Variants in USP37 observed in about 807,000 individuals in gnomAD.
USP37 encodes ubiquitin specific peptidase 37, also known as ubiquitin carboxyl-terminal hydrolase 37.
Under a neutral mutation model 124.0 loss-of-function variants are expected in USP37, and 27 were observed. The ratio of observed to expected loss-of-function variants is 0.22; its 90% confidence interval spans 0.16 to 0.30. The LOEUF (loss-of-function observed/expected upper bound fraction) is 0.30. Among genes scored for constraint, USP37 ranks in the 10% least tolerant of loss-of-function variants. The probability of loss-of-function intolerance (pLI) is 1.00; values close to 1 mark genes in which losing one functional copy is unlikely to be tolerated. For synonymous variants in USP37, 365 were observed against 388.0 expected (o/e 0.94, Z 0.70); for missense variants, 889 against 1,140.4 (o/e 0.78, Z 3.17).
chr2:218,504,923 T>C (rs1689599796), intron 11 of USP37, among the ~76,000 whole-genome samples: 1 of 152,152 alleles, frequency 6.6e-6, no homozygotes, highest in Non-Finnish European at 1.5e-5. Flanking sequence ...CTCACACCTA[T>C]TACTTTATGA....
intron 10 of USP37, among the ~76,000 whole-genome samples, chr2:218,516,352 A>C (rs1270749580): frequency 6.6e-6 from 1 of 152,214 alleles, no homozygotes; most frequent in African/African-American, 2.4e-5. Flanking sequence ...ATAGAATACT[A>C]TGCAGCCATA....
chr2:218,491,118 C>T (rs1691917600), intron 14 of USP37, among the ~76,000 whole-genome samples: 1 of 152,212 alleles, frequency 6.6e-6, no homozygotes, highest in African/African-American at 2.4e-5. Context: ...AAGTGATCCT[C>T]TTGCCTCAGC....
intron 14 of USP37, among the ~76,000 whole-genome samples, chr2:218,493,931 A>C (rs1255615634): frequency 7.2e-5 from 11 of 152,252 alleles, no homozygotes. Flanking sequence ...AATTCAATGA[A>C]ATAATAACTG....
rs1375256911 is a variant in USP37 at position 218,454,926 on chromosome 2, T to C, written c.*4A>G. 11 of 1,613,896 alleles carry C rather than the reference T, an allele frequency of 6.8e-6. No individual in the cohort carries two copies. Among genetic ancestry groups the C allele is most frequent in the Middle Eastern group, 1.7e-4 (1 of 6,060 alleles). ...TGCATGCTGCCAACCCAGGAGTTTGTTCCTCACAAGGCCTGACGGGTAGTC... is the reference window on the plus strand; with the variant it reads ...TGCATGCTGCCAACCCAGGAGTTTGCTCCTCACAAGGCCTGACGGGTAGTC... On this transcript the variant is annotated 3_prime_UTR_variant, in exon 26 of 26. Transcript: ENST00000258399.
At chr2:218,495,119 G>C (rs1353933250) in intron 14 of USP37, among the ~76,000 whole-genome samples, 3 of 152,102 alleles carry the variant, frequency 2.0e-5, no homozygotes, top group Non-Finnish European at 4.4e-5. Context: ...ATTTTCCTCA[G>C]TTCTCACTCT....
At chr2:218,560,273 T>C (rs1487512576) in intron 3 of USP37, among the ~76,000 whole-genome samples, 1 of 152,134 alleles carries the variant, frequency 6.6e-6, no homozygotes, top group African/African-American at 2.4e-5. Context: ...CCTAAACAGC[T>C]CAACAAGAAA....
intron 17 of USP37, among the ~76,000 whole-genome samples, chr2:218,481,347 G>A (rs988170621): frequency 6.6e-6 from 1 of 152,144 alleles, no homozygotes; most frequent in Admixed American, 6.6e-5. Context: ...AGAGTCAACT[G>A]AAGCATTTGC....
In USP37 at chr2:218,463,287, A is replaced by C; in HGVS notation, c.2527+19T>G. 6.2e-7 allele frequency: 1 copy of C among 1,611,194 alleles called. No homozygotes were observed. Among genetic ancestry groups the C allele is most frequent in the Non-Finnish European group, 8.5e-7 (1 of 1,178,128 alleles). On this transcript the variant is annotated intron_variant, in intron 22 of 25. Transcript: ENST00000258399. The stretch of plus-strand genomic sequence containing the variant: ...GTAATTTTACCATTAAAAAAATGTA[A>C]TTAAAAAGATCTCCACACCTTGAAG...
intron 19 of USP37, among the ~76,000 whole-genome samples, chr2:218,475,313 C>T (rs1039235441): frequency 4.6e-5 from 7 of 152,136 alleles, no homozygotes; most frequent in South Asian, 2.1e-4. Flanking sequence ...AAAATAAACA[C>T]GACATCAAGA....
At chr2:218,547,962 C>T (rs185512133) in intron 6 of USP37, among the ~76,000 whole-genome samples, 38 of 152,230 alleles carry the variant, frequency 2.5e-4, no homozygotes, top group African/African-American at 8.4e-4. Context: ...AAGAGCTATG[C>T]GATTTTTCTA....
chr2:218,487,932 C>G (rs1331558262), intron 15 of USP37, among the ~76,000 whole-genome samples: 5 of 150,814 alleles, frequency 3.3e-5, no homozygotes, highest in Admixed American at 3.3e-4. Context: ...ACCTGTAATC[C>G]CAGGACTTTG....
intron 10 of USP37, among the ~76,000 whole-genome samples, chr2:218,522,644 T>G (rs1690724757): frequency 6.6e-6 from 1 of 151,808 alleles, no homozygotes; most frequent in Admixed American, 6.6e-5. Flanking sequence ...AGACTTCAAC[T>G]GGAACTACCT....
intron 2 of USP37, among the ~76,000 whole-genome samples, chr2:218,561,557 C>G (rs573619083): frequency 6.6e-6 from 1 of 151,490 alleles, no homozygotes; most frequent in East Asian, 1.9e-4. Context: ...ACTTGGGAGG[C>G]TGAGGCAAGA....
Position 218,547,545 on chromosome 2 carries a change from C to T in USP37, c.430-454G>A, listed in dbSNP as rs796491481. Among the ~76,000 whole-genome samples, 8 of 142,250 alleles carry T rather than the reference C, an allele frequency of 5.6e-5. No individual in the cohort carries two copies. In the South Asian group the frequency reaches 1.3e-3, roughly 23 times the overall value. The allele number at this position is 142,250 out of a possible 152,430, so 93.3% of individuals were successfully genotyped here. ...TAAACTTAAAAACTCCACAGCACAC[C>T]TGTTGAGGGGGCAAGAACACTGCTT... On this transcript the variant is annotated intron_variant, in intron 6 of 25. Transcript: ENST00000258399.
chr2:218,565,630 C>A, intron 1 of USP37, among the ~76,000 whole-genome samples: 1 of 152,162 alleles, frequency 6.6e-6, no homozygotes, highest in East Asian at 1.9e-4. Context: ...TTCCAAAAGA[C>A]ATGATGGTTC....
intron 20 of USP37, among the ~76,000 whole-genome samples, chr2:218,468,282 G>C (rs1306270303): frequency 6.6e-6 from 1 of 151,862 alleles, no homozygotes; most frequent in Admixed American, 6.6e-5. Context: ...GTGGCTCATT[G>C]CAACCTCCAC....
chr2:218,567,738 C>A (rs954709162), intron 1 of USP37, among the ~76,000 whole-genome samples: 2 of 152,052 alleles, frequency 1.3e-5, no homozygotes, highest in Non-Finnish European at 2.9e-5. Context: ...TAGAAATGGG[C>A]GCAAGGAAAT....
At chr2:218,558,744 TAA>T in intron 3 of USP37, 67 bp from the exon 4 acceptor site, 1 of 1,207,448 alleles carries the variant, frequency 8.3e-7, no homozygotes, top group Non-Finnish European at 1.2e-6. Context: ...AGATAAGTTA[TAA>T]CTTACTAGTA....
chr2:218,550,599 T>G (rs1405694896), intron 5 of USP37, among the ~76,000 whole-genome samples: 1 of 142,422 alleles, frequency 7.0e-6, no homozygotes, highest in African/African-American at 2.6e-5. Context: ...TAAACTAAAC[T>G]GACATTATTA....
Sources: allele counts gnomAD v4.1 joint callset (sites outside exome capture counted in the v4.1 genomes callset), GRCh38; gene constraint gnomAD v4.1.1; transcripts MANE v1.5; gene names NCBI Gene and HGNC (gene_info 2026-07-23, HGNC 2026-07-21).